GPATCH1: variants seen among roughly 807,000 people sequenced by gnomAD.
The protein encoded by GPATCH1 is G patch domain-containing protein 1.
A neutral mutation model predicts 114.9 loss-of-function variants in GPATCH1; 73 were observed. The observed-to-expected ratio is 0.64, with a 90% CI of 0.53 to 0.77. The LOEUF (loss-of-function observed/expected upper bound fraction) is 0.77. Ranked by LOEUF, GPATCH1 falls within the 30% of genes least tolerant of loss-of-function variation. The probability of loss-of-function intolerance (pLI) is 0.00; values close to 1 mark genes in which losing one functional copy is unlikely to be tolerated. For missense variants in GPATCH1, 1,058 were observed against 1,144.3 expected (o/e 0.92, Z 1.09); for synonymous variants, 391 against 428.4 (o/e 0.91, Z 1.08).
chr19:33,085,924 T>A (rs1429493822), intron 1 of GPATCH1, among the ~76,000 whole-genome samples: 2 of 152,160 alleles, frequency 1.3e-5, no homozygotes, highest in East Asian at 3.9e-4. Flanking sequence ...TGTCTGCAGA[T>A]CTTATCTCCC....
In GPATCH1 at chr19:33,130,204, G is replaced by A; in HGVS notation, c.*44G>A. 1 of 1,379,020 alleles carries A rather than the reference G, an allele frequency of 7.3e-7. No individual in the cohort carries two copies. The highest frequency in any genetic ancestry group is 1.0e-6 in the Non-Finnish European group (1 of 965,886). 85.4% of individuals were successfully genotyped at this position (1,379,020 alleles called of 1,614,324 possible). On this transcript the variant is annotated 3_prime_UTR_variant, in exon 20 of 20. Coordinates refer to ENST00000170564, the MANE Select transcript of GPATCH1 (RefSeq NM_018025.3). ...CGTCCTAGAATCATTTCTCCTCCAT[G>A]ATGGAAGCCCAGTGATTGTTCAGTT...
chr19:33,104,351 G>GAA (rs796432569), intron 9 of GPATCH1, among the ~76,000 whole-genome samples: 51,632 of 137,828 alleles, frequency 0.37, 13,375 homozygotes, highest in African/African-American at 0.68. Context: ...AAAAAAGAAA[G>GAA]AAATACTTTG....
intron 8 of GPATCH1, among the ~76,000 whole-genome samples, chr19:33,100,926 C>T (rs1428754586): frequency 2.0e-5 from 3 of 152,136 alleles, no homozygotes; most frequent in Admixed American, 6.6e-5. Context: ...GACCAGAAGA[C>T]GATCCCCACC....
chr19:33,088,247 A>C lies in GPATCH1; in HGVS notation c.187A>C (p.Asn63His). ...FSGGFSAGYF[N>H]TVGSKEGWTP... ...TGGAGGTTTCTCTGCTGGATACTTCAATACTGTTGGCTCAAAAGAAGGTAT... is the reference window on the plus strand; with the variant it reads ...TGGAGGTTTCTCTGCTGGATACTTCCATACTGTTGGCTCAAAAGAAGGTAT... The change falls in exon 2 of 20, where the codon AAT becomes CAT. Residue 63 changes from asparagine (N) to histidine (H), a missense_variant. By Grantham distance (68) the Asn-to-His change is moderately conservative. Transcript: ENST00000170564. 6.2e-7 allele frequency: 1 copy of C among 1,603,548 alleles called. No individual in the cohort carries two copies. The highest frequency in any genetic ancestry group is 8.5e-7 in the Non-Finnish European group (1 of 1,175,324).
At position 33,096,212 on chromosome 19, in the gene GPATCH1, A is replaced by G; in HGVS notation, c.618A>G (p.Glu206=). 6.2e-7 allele frequency: 1 copy of G among 1,613,556 alleles called. No homozygotes were observed. The highest frequency in any genetic ancestry group is 2.2e-5 in the East Asian group (1 of 44,876). The change falls in exon 7 of 20, where the codon GAA becomes GAG. Residue 206 remains glutamate, a synonymous_variant. Transcript: ENST00000170564. ...TCCACTTTAAACGGAAATAGGGTGA[A>G]GATGATGACTACTTGCCTGATAATG... is the stretch of plus-strand genomic sequence containing the variant. ...PPGSSEGSEG[E]DDDYLPDNVT...
At chr19:33,083,551 C>G (rs567855846) in intron 1 of GPATCH1, among the ~76,000 whole-genome samples, 2 of 150,956 alleles carry the variant, frequency 1.3e-5, no homozygotes, top group Non-Finnish European at 3.0e-5. Flanking sequence ...CATTCCACTA[C>G]GCCTGGCTAA....
At chr19:33,094,693 C>A (rs754036576) in intron 5 of GPATCH1, among the ~76,000 whole-genome samples, 1 of 152,274 alleles carries the variant, frequency 6.6e-6, no homozygotes, top group East Asian at 1.9e-4. Flanking sequence ...CTACCCTCCC[C>A]CAAGCTGTCA....
At chr19:33,117,159 G>A (rs952214050) in intron 15 of GPATCH1, among the ~76,000 whole-genome samples, 5 of 152,122 alleles carry the variant, frequency 3.3e-5, no homozygotes, top group Admixed American at 1.3e-4. Flanking sequence ...TCGCACCATT[G>A]CTTTCCAGCC....
chr19:33,127,456 C>T (rs1973054796), intron 19 of GPATCH1, among the ~76,000 whole-genome samples: 1 of 150,172 alleles, frequency 6.7e-6, no homozygotes. Context: ...GCGGAGCTTG[C>T]AGTGAGCCGA....
At chr19:33,085,173 C>G (rs1192122725) in intron 1 of GPATCH1, among the ~76,000 whole-genome samples, 1 of 152,122 alleles carries the variant, frequency 6.6e-6, no homozygotes, top group Non-Finnish European at 1.5e-5. Context: ...TTCTATACCC[C>G]AGCTCTAGAA....
chr19:33,087,179 T>A lies in GPATCH1; in HGVS notation c.74-955T>A, dbSNP rs544099658. ...AGTTGGCTTGAAACTCCACTGTGAC[T>A]CTCACCCTTAACTCATACCCTTAAC... On this transcript the variant is annotated intron_variant, in intron 1 of 19. Transcript: ENST00000170564. Among the ~76,000 whole-genome samples, 372 of 152,284 alleles carry A rather than the reference T, an allele frequency of 2.4e-3. 1 individual carries two copies. Among genetic ancestry groups the A allele is most frequent in the Middle Eastern group, 6.8e-3 (2 of 294 alleles).
chr19:33,090,734 C>G, intron 2 of GPATCH1, 46 bp from the exon 3 acceptor site: 1 of 1,230,266 alleles, frequency 8.1e-7, no homozygotes, highest in Non-Finnish European at 1.2e-6. Flanking sequence ...CTCATAGACC[C>G]AAATACTCTC....
chr19:33,114,023 T>C (rs2145330989), intron 14 of GPATCH1, 120 bp downstream of exon 14: 1 of 909,608 alleles, frequency 1.1e-6, no homozygotes. Flanking sequence ...TCTCCCTCCA[T>C]TGAGGGAATT....
In GPATCH1 at chr19:33,115,225, ATTTTTTTTTTTTT is replaced by A. The variant is rs71176196; in HGVS notation, c.2196+825_2196+837del. 2.0e-3 allele frequency among the ~76,000 whole-genome samples: 111 copies of A among 56,870 alleles called. 3 individuals carry two copies. Among genetic ancestry groups the A allele is most frequent in the African/African-American group, 7.4e-3 (92 of 12,428 alleles). 37.3% of individuals were successfully genotyped at this position (56,870 alleles called of 152,430 possible). ...GGGCACACACCACCATGCCTGGCTA[ATTTTTTTTTTTTT>A]TTTTTTTTTTTTTTTTTTCAGAGAA... On this transcript the variant is annotated intron_variant, in intron 15 of 19. Coordinates refer to ENST00000170564, the MANE Select transcript of GPATCH1 (RefSeq NM_018025.3).
At chr19:33,082,400 G>C (rs1305685402) in intron 1 of GPATCH1, among the ~76,000 whole-genome samples, 1 of 152,202 alleles carries the variant, frequency 6.6e-6, no homozygotes, top group Non-Finnish European at 1.5e-5. Flanking sequence ...GTTGGTGGGG[G>C]TCCCCTCCCT....
rs916817457 is a variant in GPATCH1, at chr19:33,119,012, C to G, written c.2416C>G (p.Leu806Val). ...ATGAACACCCCGCTGTTTTTCAGCT[C>G]TTGTGCCAGCACCCCAGGAGCCGCC... ...LGETSSVAHA[L>V]VPAPQEPPPS... The change falls in exon 17 of 20, where the codon CTT (leucine) becomes GTT (valine). Residue 806 changes from leucine (L) to valine (V), a missense_variant and splice_region_variant. Coordinates refer to ENST00000170564, the MANE Select transcript of GPATCH1 (RefSeq NM_018025.3). 4 of 1,601,608 alleles carry G rather than the reference C, an allele frequency of 2.5e-6. No homozygotes were observed. Among genetic ancestry groups the G allele is most frequent in the Non-Finnish European group, 3.4e-6 (4 of 1,171,682 alleles).
At chr19:33,130,042 A>G (rs879621868) in intron 19 of GPATCH1, 88 bp from the exon 20 acceptor site, 37 of 887,440 alleles carry the variant, frequency 4.2e-5, no homozygotes, top group Non-Finnish European at 6.7e-5. Flanking sequence ...TGATATGGGG[A>G]GGCCTGGCAT....
At chr19:33,084,635 A>C (rs1972515565) in intron 1 of GPATCH1, among the ~76,000 whole-genome samples, 1 of 149,032 alleles carries the variant, frequency 6.7e-6, no homozygotes, top group Non-Finnish European at 1.5e-5. Context: ...GGACTTTCTC[A>C]ATACACCTGA....
chr19:33,119,105 G>A lies in GPATCH1; in HGVS notation c.2509G>A (p.Val837Ile), dbSNP rs367828894. The change falls in exon 17 of 20, where the codon GTC becomes ATC. Residue 837 changes from valine (V) to isoleucine (I), a missense_variant. Physicochemically the swap from Val to Ile is conservative, Grantham distance 29. This residue lies in a region of GPATCH1 where 893 missense variants were observed against 977.4 expected (regional missense o/e 0.91). Coordinates refer to ENST00000170564, the MANE Select transcript of GPATCH1 (RefSeq NM_018025.3). ...AGAGTTCGGCCCGCGGCTGCCTCCCGTCTTCTGCCCCAGTGAGTGCAGAGC... is the reference window on the plus strand; with the variant it reads ...AGAGTTCGGCCCGCGGCTGCCTCCCATCTTCTGCCCCAGTGAGTGCAGAGC... ...REEFGPRLPP[V>I]FCPNARQTLE... The A allele has an allele frequency of 1.0e-5, 16 of 1,602,258 alleles. No homozygotes were observed. Among genetic ancestry groups the A allele is most frequent in the Middle Eastern group, 1.7e-4 (1 of 6,034 alleles).
Sources: gnomAD v4.1 joint callset for allele counts (sites outside exome capture counted in the v4.1 genomes callset) on GRCh38, gnomAD v4.1.1 for gene constraint, gnomAD v4.1.1 regional missense constraint, MANE v1.5 for transcripts, NCBI Gene and HGNC (gene_info 2026-07-23, HGNC 2026-07-21) for gene names.